DOK5: variants seen among roughly 807,000 people sequenced by gnomAD.
DOK5 encodes the protein downstream of tyrosine kinase 5.
DOK5 carries 27 observed loss-of-function variants against 43.3 expected under a neutral mutation model. The ratio of observed to expected loss-of-function variants is 0.62; its 90% CI spans 0.46 to 0.86. The LOEUF (loss-of-function observed/expected upper bound fraction) is 0.86, where lower values mean the gene tolerates loss of function less well. DOK5 is among the 40% of genes least tolerant of loss of function. The probability of loss-of-function intolerance (pLI) is 0.00; values close to 1 mark genes in which losing one functional copy is unlikely to be tolerated. For synonymous variants in DOK5, 146 were observed against 140.1 expected, an observed-to-expected ratio of 1.04 and a Z score of -0.30; for missense variants, 373 against 392.9, an observed-to-expected ratio of 0.95 and a Z score of 0.43.
intron 1 of DOK5, among the ~76,000 whole-genome samples, chr20:54,554,042 C>A (rs1249953049): frequency 6.6e-6 from 1 of 151,712 alleles, no homozygotes; most frequent in Non-Finnish European, 1.5e-5. Flanking sequence ...TTTTAATGTG[C>A]TAGTGTACCT....
chr20:54,595,551 C>T lies in DOK5; in HGVS notation c.599+3746C>T, dbSNP rs550453296. ...TGTTTTATCCCATGACTTTGATGAC[C>T]CCTTTATGGTCCATCCATTTGCTTA... On this transcript the variant is annotated intron_variant, in intron 5 of 7. Transcript: ENST00000262593. Among the ~76,000 whole-genome samples, 5 of 152,094 alleles carry T rather than the reference C, an allele frequency of 3.3e-5. No homozygotes were observed. The South Asian group carries it at 1.0e-3, about 32-fold the overall frequency.
chr20:54,524,986 G>A (rs1983530841), intron 1 of DOK5, among the ~76,000 whole-genome samples: 1 of 152,202 alleles, frequency 6.6e-6, no homozygotes, highest in African/African-American at 2.4e-5. Flanking sequence ...CATTATTTGA[G>A]GGTGTTCCCA....
intron 2 of DOK5, among the ~76,000 whole-genome samples, chr20:54,567,755 T>C (rs1007479448): frequency 1.3e-5 from 2 of 152,180 alleles, no homozygotes; most frequent in Middle Eastern, 3.2e-3. Flanking sequence ...GTTAAGCCTA[T>C]AGAGCAAATT....
chr20:54,515,310 G>A (rs1983161617), intron 1 of DOK5, among the ~76,000 whole-genome samples: 1 of 152,162 alleles, frequency 6.6e-6, no homozygotes, highest in Admixed American at 6.5e-5. Context: ...ACCGTGCCCG[G>A]CCAGTTATGA....
intron 6 of DOK5, among the ~76,000 whole-genome samples, chr20:54,612,265 C>A (rs889443474): frequency 1.4e-4 from 21 of 152,130 alleles, no homozygotes; most frequent in African/African-American, 4.8e-4. Flanking sequence ...AGTGCCTGCC[C>A]CCGTGAGCCA....
intron 1 of DOK5, among the ~76,000 whole-genome samples, chr20:54,542,068 G>A (rs1984178994): frequency 6.7e-6 from 1 of 149,988 alleles, no homozygotes; most frequent in African/African-American, 2.5e-5. Context: ...TTCCCTTCGT[G>A]GTGCATCACA....
At chr20:54,647,521 A>AAC (rs958207012) in intron 7 of DOK5, among the ~76,000 whole-genome samples, 1 of 150,900 alleles carries the variant, frequency 6.6e-6, no homozygotes, top group African/African-American at 2.5e-5. Flanking sequence ...AAAAAAAAAA[A>AAC]AACAAAAAAA....
chr20:54,633,073 A>G (rs1978645705), intron 6 of DOK5, among the ~76,000 whole-genome samples: 3 of 114,522 alleles, frequency 2.6e-5, no homozygotes. Context: ...CTCCATCTCA[A>G]AAACAAAACA....
At chr20:54,569,543 G>C (rs1041325413) in intron 2 of DOK5, among the ~76,000 whole-genome samples, 1 of 152,154 alleles carries the variant, frequency 6.6e-6, no homozygotes, top group Non-Finnish European at 1.5e-5. Context: ...GTTTGTGGAC[G>C]AAACAGTCTT....
chr20:54,570,131 G>A (rs2146746601), intron 2 of DOK5, among the ~76,000 whole-genome samples: 1 of 152,210 alleles, frequency 6.6e-6, no homozygotes, highest in Middle Eastern at 3.4e-3. Context: ...ATATGAAAAG[G>A]TTAAAAGTTT....
At chr20:54,614,561 A>G (rs1232894241) in intron 6 of DOK5, among the ~76,000 whole-genome samples, 1 of 152,242 alleles carries the variant, frequency 6.6e-6, no homozygotes, top group Admixed American at 6.5e-5. Context: ...ATGCTCATGC[A>G]CATGTTTTTC....
chr20:54,490,950 T>C (rs1288187947), intron 1 of DOK5, among the ~76,000 whole-genome samples: 2 of 152,206 alleles, frequency 1.3e-5, no homozygotes, highest in African/African-American at 4.8e-5. Context: ...AATGGTGAAC[T>C]CTTTTCCGTC....
intron 6 of DOK5, 23 bp downstream of exon 6, chr20:54,610,546 G>A (rs181037137): frequency 3.2e-5 from 46 of 1,451,184 alleles, no homozygotes; most frequent in Non-Finnish European, 3.6e-5. Flanking sequence ...TTTCTTCCTC[G>A]TGTCCCAGTG....
intron 5 of DOK5, among the ~76,000 whole-genome samples, chr20:54,596,285 T>G (rs147849728): frequency 3.3e-5 from 5 of 152,348 alleles, no homozygotes; most frequent in African/African-American, 1.2e-4. Context: ...CAGTATAATT[T>G]TCCCCTTCTC....
chr20:54,581,233 T>C (rs573017203), intron 2 of DOK5, among the ~76,000 whole-genome samples: 1 of 152,098 alleles, frequency 6.6e-6, no homozygotes, highest in Non-Finnish European at 1.5e-5. Flanking sequence ...CATGTGTCTG[T>C]ATGTTTGCCT....
At chr20:54,515,344 C>A (rs934058111) in intron 1 of DOK5, among the ~76,000 whole-genome samples, 5 of 152,162 alleles carry the variant, frequency 3.3e-5, no homozygotes, top group Admixed American at 6.5e-5. Flanking sequence ...TGAATTATTT[C>A]TCTTCTTAAT....
chr20:54,521,339 C>T (rs1197409351), intron 1 of DOK5, among the ~76,000 whole-genome samples: 2 of 152,150 alleles, frequency 1.3e-5, no homozygotes. Flanking sequence ...CTCAATCCCA[C>T]AAGACTGTCC....
intron 2 of DOK5, among the ~76,000 whole-genome samples, chr20:54,587,850 GC>G (rs1281546925): frequency 1.3e-5 from 2 of 152,200 alleles, no homozygotes; most frequent in African/African-American, 2.4e-5. Flanking sequence ...CCACTGAGGA[GC>G]TAGGAGTAAG....
chr20:54,499,710 C>T (rs544583979), intron 1 of DOK5, among the ~76,000 whole-genome samples: 7 of 152,348 alleles, frequency 4.6e-5, no homozygotes, highest in Admixed American at 4.6e-4. Flanking sequence ...AAGATGCTCA[C>T]ATCCACCGTT....
Sources: allele counts gnomAD v4.1 joint callset (sites outside exome capture counted in the v4.1 genomes callset), GRCh38; gene constraint gnomAD v4.1.1; transcripts MANE v1.5; gene names NCBI Gene and HGNC (gene_info 2026-07-23, HGNC 2026-07-21).